Variants in BRCA2 observed in about 807,000 individuals in gnomAD.
The protein encoded by BRCA2 is breast cancer type 2 susceptibility protein.
BRCA2 carries 203 observed loss-of-function variants against 276.7 expected under a neutral mutation model. That is an observed-to-expected ratio of 0.73 (90% CI 0.65 to 0.82). The LOEUF (loss-of-function observed/expected upper bound fraction) is 0.82. Among genes scored for constraint, BRCA2 ranks in the 40% least tolerant of loss-of-function variants. The pLI is 0.00. For missense variants in BRCA2, 3,920 were observed against 3,915.0 expected, an observed-to-expected ratio of 1.00 and a Z score of -0.03; for synonymous variants, 1,289 against 1,338.4, an observed-to-expected ratio of 0.96 and a Z score of 0.81.
Position 32,336,957 on chromosome 13 carries a change from A to C in BRCA2, c.2602A>C (p.Thr868Pro), listed in dbSNP as rs1368861313. 4 of 1,584,562 alleles carry C rather than the reference A, an allele frequency of 2.5e-6. No homozygotes were observed. In the South Asian group the frequency reaches 4.7e-5, roughly 19 times the overall value. Residue 868 changes from threonine to proline, a missense_variant, in exon 11 of 27, where the codon ACT becomes CCT. Transcript: ENST00000380152. ...RVIQKNQEET[T>P]SISKITVNPD... ...AATCCAAAAAAATCAAGAAGAAACT[A>C]CTTCAATTTCAAAAATAACTGTCAA...
At position 32,354,924 on chromosome 13, in the gene BRCA2, G is replaced by A. The variant is rs45496492; in HGVS notation, c.7071G>A (p.Leu2357=). ...TTACCGCACCTGGTCAAGAATTTCT[G>A]TCTAAATCTCATTTGTATGAACATC... is the stretch of plus-strand genomic sequence containing the variant. ...PNFTAPGQEF[L]SKSHLYEHLT... Residue 2357 remains leucine (L), a synonymous_variant, in exon 14 of 27, where the codon CTG becomes CTA. Coordinates refer to ENST00000380152, the MANE Select transcript of BRCA2 (RefSeq NM_000059.4). 4 of 1,613,770 alleles carry A rather than the reference G, an allele frequency of 2.5e-6. No individual in the cohort carries two copies. The highest frequency in any genetic ancestry group is 3.3e-5 in the Admixed American group (2 of 59,974).
chr13:32,382,534 G>A (rs2072931311), intron 24 of BRCA2, among the ~76,000 whole-genome samples: 1 of 152,206 alleles, frequency 6.6e-6, no homozygotes, highest in South Asian at 2.1e-4. Flanking sequence ...AATTGATAAT[G>A]AAGTGAGGAC....
intron 10 of BRCA2, among the ~76,000 whole-genome samples, chr13:32,334,889 A>G (rs2072436248): frequency 6.6e-6 from 1 of 152,204 alleles, no homozygotes; most frequent in Non-Finnish European, 1.5e-5. Flanking sequence ...ACTAAACTGT[A>G]TGTTTACAAA....
rs55919657 is a variant in BRCA2, at chr13:32,332,840, A to G, written c.1362A>G (p.Lys454=). 8.3e-5 allele frequency: 133 copies of G among 1,611,832 alleles called. 1 individual carries two copies. The East Asian group carries it at 2.6e-3, about 32-fold the overall frequency. ...TGCCACGTATTTCTAGCCTACCAAAATCAGAGAAGCCATTAAATGAGGAAA... is the reference window on the plus strand; with the variant it reads ...TGCCACGTATTTCTAGCCTACCAAAGTCAGAGAAGCCATTAAATGAGGAAA... ...NSLPRISSLP[K]SEKPLNEETV... The change falls in exon 10 of 27, where the codon AAA becomes AAG. Residue 454 remains lysine (K), a synonymous_variant. Transcript: ENST00000380152.
chr13:32,353,880 A>G (rs2072669119), intron 13 of BRCA2, among the ~76,000 whole-genome samples: 1 of 152,232 alleles, frequency 6.6e-6, no homozygotes, highest in Non-Finnish European at 1.5e-5. Context: ...TGAAACATCA[A>G]GGTACAGATG....
At position 32,339,989 on chromosome 13, in the gene BRCA2, C is replaced by A. The variant is rs80358784; in HGVS notation, c.5634C>A (p.Asn1878Lys). ...TCAGTAAAGTAATTAAGGAAAACAA[C>A]GAGAATAAATCAAAAATTTGCCAAA... The part of the protein sequence containing the change: ...DSFSKVIKEN[N>K]ENKSKICQTK... Residue 1878 changes from asparagine to lysine, a missense_variant, in exon 11 of 27, where the codon AAC becomes AAA. Physicochemically the swap from Asn to Lys is moderately conservative, Grantham distance 94. This residue lies in a region of BRCA2 where 3,263 missense variants were observed against 3,156.9 expected (regional missense o/e 1.03). Coordinates refer to ENST00000380152, the MANE Select transcript of BRCA2 (RefSeq NM_000059.4). The A allele has an allele frequency of 1.9e-6, 3 of 1,611,768 alleles. No homozygotes were observed. The highest frequency in any genetic ancestry group is 1.1e-5 in the South Asian group (1 of 90,332).
rs80358410 is a variant in BRCA2 at position 32,332,605 on chromosome 13, T to G, written c.1127T>G (p.Phe376Cys). Residue 376 changes from phenylalanine (F) to cysteine (C), a missense_variant, in exon 10 of 27, where the codon TTT becomes TGT. By Grantham distance (205) the Phe-to-Cys change is radical (BLOSUM62 -2). This residue lies in a region of BRCA2 where 3,263 missense variants were observed against 3,156.9 expected (regional missense o/e 1.03). Coordinates refer to ENST00000380152, the MANE Select transcript of BRCA2 (RefSeq NM_000059.4). ...TCAAATGTAGCAAATCAGAAGCCCT[T>G]TGAGAGTGGAAGTGACAAAATCTCC... Reference protein sequence around the residue: ...LDSNVANQKPFESGSDKISKE... With the variant: ...LDSNVANQKPCESGSDKISKE... The G allele has an allele frequency of 8.1e-6, 13 of 1,614,058 alleles. No individual in the cohort carries two copies. The highest frequency in any genetic ancestry group is 1.1e-5 in the Non-Finnish European group (13 of 1,179,948).
rs80359024 is a variant in BRCA2, at chr13:32,362,681, A to G, written c.7964A>G (p.Gln2655Arg). The G allele has an allele frequency of 1.2e-6, 2 of 1,614,186 alleles. No individual in the cohort carries two copies. Among genetic ancestry groups the G allele is most frequent in the Non-Finnish European group, 8.5e-7 (1 of 1,180,032 alleles). ...RCLSPERVLLQLKYRYDTEID... is the reference protein window; with the variant it reads ...RCLSPERVLLRLKYRYDTEID... Reference sequence around the variant, plus strand: ...CTAAGCCCAGAAAGGGTGCTTCTTCAACTAAAATACAGGCAAGTTTAAAGC... The same window carrying G: ...CTAAGCCCAGAAAGGGTGCTTCTTCGACTAAAATACAGGCAAGTTTAAAGC... Residue 2655 changes from glutamine (Q) to arginine (R), a missense_variant, in exon 17 of 27, where the codon CAA (glutamine) becomes CGA (arginine). By Grantham distance (43) the Gln-to-Arg change is conservative. Coordinates refer to ENST00000380152, the MANE Select transcript of BRCA2 (RefSeq NM_000059.4).
At chr13:32,382,248 G>A (rs1333522983) in intron 24 of BRCA2, among the ~76,000 whole-genome samples, 2 of 152,132 alleles carry the variant, frequency 1.3e-5, no homozygotes, top group Non-Finnish European at 1.5e-5. Context: ...CACTGCACCC[G>A]GCCAGTCATA....
intron 16 of BRCA2, 102 bp downstream of exon 16, chr13:32,358,031 A>AT: frequency 8.1e-7 from 1 of 1,227,476 alleles, no homozygotes; most frequent in Non-Finnish European, 1.2e-6. Context: ...TAGAAATCAA[A>AT]TTTTTATGCA....
At chr13:32,349,719 G>A (rs750994913) in intron 13 of BRCA2, among the ~76,000 whole-genome samples, 1 of 151,458 alleles carries the variant, frequency 6.6e-6, no homozygotes, top group Non-Finnish European at 1.5e-5. Context: ...GGAGGCTGAG[G>A]TGGGAGAACT....
Position 32,398,733 on chromosome 13 carries a change from AT to A in BRCA2, c.10221del (p.Asn3407LysfsTer20). The A allele has an allele frequency of 6.2e-7, 1 of 1,613,964 alleles. No homozygotes were observed. The highest frequency in any genetic ancestry group is 2.2e-5 in the East Asian group (1 of 44,872). ...SQASTEECEK[N>X]KQDTITTKKY... ...GCCAGTACGGAAGAATGTGAGAAAA[AT>A]AAGCAGGACACAATTACAACTAAAA... is the stretch of plus-strand genomic sequence containing the variant. On this transcript the variant is annotated frameshift_variant, in exon 27 of 27. Coordinates refer to ENST00000380152, the MANE Select transcript of BRCA2 (RefSeq NM_000059.4). LOFTEE classifies it low-confidence loss of function (END_TRUNC).
chr13:32,325,331 G>C (rs4942423), intron 4 of BRCA2, 147 bp downstream of exon 4: 41 of 623,202 alleles, frequency 6.6e-5, no homozygotes, highest in Non-Finnish European at 1.1e-4. Context: ...CTTTTAGGTT[G>C]AGTCCTTTAA....
chr13:32,367,615 CA>C (rs1283786353), intron 18 of BRCA2, among the ~76,000 whole-genome samples: 4 of 151,774 alleles, frequency 2.6e-5, no homozygotes, highest in Admixed American at 1.3e-4. Context: ...GGCAACATGA[CA>C]AAACCCCATC....
At chr13:32,316,194 CTT>C (rs2072257219) in intron 1 of BRCA2, among the ~76,000 whole-genome samples, 1 of 152,148 alleles carries the variant, frequency 6.6e-6, no homozygotes, top group Non-Finnish European at 1.5e-5. Context: ...TGAAAATCCT[CTT>C]CTCTAGTCGC....
chr13:32,385,982 C>T (rs1461761444), intron 24 of BRCA2: 1 of 170,348 alleles, frequency 5.9e-6, no homozygotes, highest in Non-Finnish European at 1.3e-5. Flanking sequence ...TGCGTTAGAC[C>T]TGGAAAGCTT....
chr13:32,374,737 A>G (rs556974482), intron 20 of BRCA2, among the ~76,000 whole-genome samples: 1 of 152,318 alleles, frequency 6.6e-6, no homozygotes, highest in East Asian at 1.9e-4. Flanking sequence ...GTCTCTAGGG[A>G]GTTCCAGACT....
At chr13:32,380,589 G>A (rs2072918193) in intron 24 of BRCA2, among the ~76,000 whole-genome samples, 1 of 138,300 alleles carries the variant, frequency 7.2e-6, no homozygotes, top group African/African-American at 2.7e-5. Flanking sequence ...TGCCCAGGCT[G>A]GAGTGCAGTG....
rs1029304 is a variant in BRCA2 at position 32,334,492 on chromosome 13, A to G, written c.1909+1105A>G. 0.29 allele frequency among the ~76,000 whole-genome samples: 43,316 copies of G among 151,684 alleles called. 6,358 individuals carry two copies. The highest frequency in any genetic ancestry group is 0.4 in the East Asian group (2,039 of 5,132). On this transcript the variant is annotated intron_variant, in intron 10 of 26. Coordinates refer to ENST00000380152, the MANE Select transcript of BRCA2 (RefSeq NM_000059.4). ...GGAGTTTAAGAACACCCTGGGCAAC[A>G]TAGCGAGACCCCATCTCTACAAAAA...
Sources: gnomAD v4.1 joint callset for allele counts (sites outside exome capture counted in the v4.1 genomes callset) on GRCh38, gnomAD v4.1.1 for gene constraint, gnomAD v4.1.1 regional missense constraint, MANE v1.5 for transcripts, NCBI Gene and HGNC (gene_info 2026-07-23, HGNC 2026-07-21) for gene names.